Variants in FBXO28 observed in about 807,000 individuals in gnomAD.
FBXO28 encodes F-box only protein 28.
In FBXO28, 8 loss-of-function variants were observed where a neutral mutation model predicts 38.1. The ratio of observed to expected loss-of-function variants is 0.21; its 90% confidence interval spans 0.12 to 0.38. The LOEUF is 0.38. Among genes scored for constraint, FBXO28 ranks in the 10% least tolerant of loss-of-function variants. The probability of loss-of-function intolerance (pLI) is 1.00; values close to 1 mark genes in which losing one functional copy is unlikely to be tolerated. For synonymous variants in FBXO28, 168 were observed against 173.8 expected, an observed-to-expected ratio of 0.97 and a Z score of 0.26; for missense variants, 345 against 460.6, an observed-to-expected ratio of 0.75 and a Z score of 2.30.
chr1:224,138,029 A>G (rs1334699782), intron 3 of FBXO28, among the ~76,000 whole-genome samples: 1 of 151,772 alleles, frequency 6.6e-6, no homozygotes, highest in Non-Finnish European at 1.5e-5. Context: ...GGAGTTCAAG[A>G]CCAGCCTGGC....
chr1:224,152,280 GT>G (rs1355998809), intron 3 of FBXO28, among the ~76,000 whole-genome samples: 1 of 152,108 alleles, frequency 6.6e-6, no homozygotes, highest in Non-Finnish European at 1.5e-5. Flanking sequence ...TCCGTAACAA[GT>G]CTCAGAGAAA....
rs576661811 is a variant in FBXO28 at position 224,142,564 on chromosome 1, C to G, written c.516+8352C>G. 6.6e-5 allele frequency among the ~76,000 whole-genome samples: 10 copies of G among 152,142 alleles called. No homozygotes were observed. The East Asian group carries it at 1.9e-3, about 29-fold the overall frequency. On this transcript the variant is annotated intron_variant, in intron 3 of 4. Transcript: ENST00000366862. ...GGCTCAGTGGCTCACGCCTGTGATC[C>G]CAGCACTTTGGGAGGCTGAGGTGGG...
At chr1:224,119,129 TTTTTTC>T (rs1303794588) in intron 1 of FBXO28, among the ~76,000 whole-genome samples, 1 of 60,574 alleles carries the variant, frequency 1.7e-5, no homozygotes, top group Admixed American at 2.5e-4. Context: ...ATTTTTTCTT[TTTTTTC>T]TTTTTTTTTT....
At chr1:224,115,591 A>G (rs756284203) in intron 1 of FBXO28, among the ~76,000 whole-genome samples, 3 of 152,212 alleles carry the variant, frequency 2.0e-5, no homozygotes, top group African/African-American at 4.8e-5. Context: ...CAGTTCAACC[A>G]TGCCAGTCTG....
At chr1:224,145,839 A>G (rs1347963426) in intron 3 of FBXO28, among the ~76,000 whole-genome samples, 1 of 152,152 alleles carries the variant, frequency 6.6e-6, no homozygotes, top group Admixed American at 6.6e-5. Flanking sequence ...AGGCCAAGGC[A>G]GGTGGATCAC....
chr1:224,150,064 C>T (rs1258441381), intron 3 of FBXO28, among the ~76,000 whole-genome samples: 2 of 140,682 alleles, frequency 1.4e-5, no homozygotes, highest in East Asian at 2.2e-4. Flanking sequence ...TGGCTTATGC[C>T]TGTAATCCCA....
At chr1:224,139,917 C>A (rs976791705) in intron 3 of FBXO28, among the ~76,000 whole-genome samples, 1 of 151,822 alleles carries the variant, frequency 6.6e-6, no homozygotes, top group Non-Finnish European at 1.5e-5. Context: ...CAAAGTAAGA[C>A]CCCCGTCTCT....
chr1:224,138,663 C>CA (rs1657257427), intron 3 of FBXO28, among the ~76,000 whole-genome samples: 1 of 151,892 alleles, frequency 6.6e-6, no homozygotes, highest in South Asian at 2.1e-4. Context: ...GAGCATTGAG[C>CA]AACCAGCCAT....
At chr1:224,135,402 CAG>C (rs1226528440) in intron 3 of FBXO28, among the ~76,000 whole-genome samples, 15 of 151,962 alleles carry the variant, frequency 9.9e-5, no homozygotes, top group Middle Eastern at 6.8e-3. Context: ...TGTTAAGTAA[CAG>C]AGTTGAATAG....
chr1:224,119,135 C>CTTTTTTTTTTTTTTTTTTTTTTT (rs67458349), intron 1 of FBXO28, among the ~76,000 whole-genome samples: 1 of 109,908 alleles, frequency 9.1e-6, no homozygotes, highest in Non-Finnish European at 1.7e-5. Flanking sequence ...TCTTTTTTTT[C>CTTTTTTTTTTTTTTTTTTTTTTT]TTTTTTTTTT....
rs777561530 is a variant in FBXO28, at chr1:224,114,312, C to G, written c.183C>G (p.Asn61Lys). 3.2e-6 allele frequency: 5 copies of G among 1,576,672 alleles called. No homozygotes were observed. In the Admixed American group the frequency reaches 5.5e-5, roughly 17 times the overall value. Reference protein sequence around the residue: ...PALAPDQLPQNNTLVALPIVA... With the variant: ...PALAPDQLPQKNTLVALPIVA... ...TGGCTCCGGACCAGCTGCCTCAAAA[C>G]AACACGCTTGTGGCGCTGCCCATCG... The change falls in exon 1 of 5, where the codon AAC (asparagine) becomes AAG (lysine). Residue 61 changes from asparagine to lysine, a missense_variant. Asn to Lys is a moderately conservative substitution (Grantham distance 94). This residue lies in a region of FBXO28 where 56 missense variants were observed against 99.8 expected (regional missense o/e 0.56). Coordinates refer to ENST00000366862, the MANE Select transcript of FBXO28 (RefSeq NM_015176.4).
At chr1:224,136,743 T>C (rs1014995287) in intron 3 of FBXO28, among the ~76,000 whole-genome samples, 2 of 150,750 alleles carry the variant, frequency 1.3e-5, no homozygotes, top group African/African-American at 4.9e-5. Context: ...AAAAAAAAAG[T>C]TCAGAAGTCT....
At chr1:224,120,767 G>A (rs1349155783) in intron 1 of FBXO28, among the ~76,000 whole-genome samples, 1 of 151,826 alleles carries the variant, frequency 6.6e-6, no homozygotes, top group Non-Finnish European at 1.5e-5. Flanking sequence ...GGAGGCTGAG[G>A]CAGGAGAATC....
intron 1 of FBXO28, among the ~76,000 whole-genome samples, chr1:224,123,470 G>C (rs929632811): frequency 3.6e-5 from 5 of 140,464 alleles, no homozygotes; most frequent in Non-Finnish European, 7.8e-5. Flanking sequence ...AAAAAAATTG[G>C]GTTCCAATAC....
At chr1:224,114,699 C>T (rs1656604914) in intron 1 of FBXO28, among the ~76,000 whole-genome samples, 1 of 151,430 alleles carries the variant, frequency 6.6e-6, no homozygotes, top group African/African-American at 2.4e-5. Flanking sequence ...GTCTTCCCAC[C>T]TTCCGCCTGG....
intron 2 of FBXO28, among the ~76,000 whole-genome samples, chr1:224,133,518 C>T (rs908792): frequency 0.99 from 150,213 of 152,234 alleles, 74,139 homozygotes; most frequent in Middle Eastern, 1. Context: ...AAAACCTTTA[C>T]TTTTATTTTT....
intron 1 of FBXO28, among the ~76,000 whole-genome samples, chr1:224,121,222 A>T (rs1036466208): frequency 6.6e-6 from 1 of 152,204 alleles, no homozygotes; most frequent in African/African-American, 2.4e-5. Flanking sequence ...ATAATGGTAC[A>T]GATAATCAAA....
At chr1:224,136,196 C>T (rs923414375) in intron 3 of FBXO28, among the ~76,000 whole-genome samples, 3 of 138,740 alleles carry the variant, frequency 2.2e-5, no homozygotes, top group African/African-American at 5.3e-5. Flanking sequence ...CTCTGCCTCC[C>T]GGTACAGGTG....
intron 3 of FBXO28, among the ~76,000 whole-genome samples, chr1:224,145,240 G>A (rs550781844): frequency 7.5e-6 from 1 of 133,332 alleles, no homozygotes; most frequent in Non-Finnish European, 1.5e-5. Flanking sequence ...GTTTCAGTGA[G>A]CTGAGATCGC....
Sources: gnomAD v4.1 joint callset for allele counts (sites outside exome capture counted in the v4.1 genomes callset) on GRCh38, gnomAD v4.1.1 for gene constraint, gnomAD v4.1.1 regional missense constraint, MANE v1.5 for transcripts, NCBI Gene and HGNC (gene_info 2026-07-23, HGNC 2026-07-21) for gene names.